The following SPTBN1 variants were observed in gnomAD, a reference collection of about 807,000 sequenced individuals.
SPTBN1 encodes spectrin beta, non-erythrocytic 1, also known as spectrin beta chain, non-erythrocytic 1.
Under a neutral mutation model 266.4 loss-of-function variants are expected in SPTBN1, and 32 were observed. The observed-to-expected ratio is 0.12, with a 90% CI of 0.09 to 0.16. The LOEUF (loss-of-function observed/expected upper bound fraction) is 0.16. Among genes scored for constraint, SPTBN1 ranks in the 10% least tolerant of loss-of-function variants. The probability of loss-of-function intolerance (pLI) is 1.00; values close to 1 mark genes in which losing one functional copy is unlikely to be tolerated. For synonymous variants in SPTBN1, 1,336 were observed against 1,162.2 expected (o/e 1.15, Z -3.04); for missense variants, 2,296 against 3,067.1 (o/e 0.75, Z 5.94).
intron 1 of SPTBN1, among the ~76,000 whole-genome samples, chr2:54,464,160 T>C (rs562101369): frequency 6.6e-6 from 1 of 152,376 alleles, no homozygotes; most frequent in Non-Finnish European, 1.5e-5. Context: ...TAAATGCTTA[T>C]ACCTCTTGAA....
intron 1 of SPTBN1, among the ~76,000 whole-genome samples, chr2:54,522,877 C>T (rs1030107491): frequency 1.3e-5 from 2 of 151,960 alleles, no homozygotes; most frequent in East Asian, 3.9e-4. Flanking sequence ...GGTTTCTTCT[C>T]ATTGGTCAGC....
chr2:54,627,439 A>C (rs1678426036), intron 12 of SPTBN1, among the ~76,000 whole-genome samples: 1 of 152,204 alleles, frequency 6.6e-6, no homozygotes, highest in African/African-American at 2.4e-5. Context: ...AGTGGGTTCA[A>C]ACTTAAACTC....
At chr2:54,470,769 T>C (rs1693878483) in intron 1 of SPTBN1, among the ~76,000 whole-genome samples, 1 of 152,164 alleles carries the variant, frequency 6.6e-6, no homozygotes, top group Non-Finnish European at 1.5e-5. Context: ...AGCCCAGGGC[T>C]TCAAGACTAG....
At chr2:54,589,973 A>G (rs753995283) in intron 2 of SPTBN1, among the ~76,000 whole-genome samples, 2 of 152,242 alleles carry the variant, frequency 1.3e-5, no homozygotes, top group Non-Finnish European at 2.9e-5. Context: ...AGTTGCAACA[A>G]ATTAAGTCTT....
chr2:54,594,851 T>TTTTTTTTTTG lies in SPTBN1; in HGVS notation c.149-4241_149-4240insTTTTTTTTTG, dbSNP rs10673399. Among the ~76,000 whole-genome samples the TTTTTTTTTTG allele has an allele frequency of 7.5e-4, 109 of 144,948 alleles. 2 individuals carry two copies. The highest frequency in any genetic ancestry group is 2.5e-3 in the African/African-American group (89 of 35,916). ...TAAGTTTCTTTTTTTTTTTTTTTTTTGAGACAGAGTTTCGCTCTTGTTGCC... is the reference window on the plus strand; with the variant it reads ...TAAGTTTCTTTTTTTTTTTTTTTTTTTTTTTTTTTGGAGACAGAGTTTCGCTCTTGTTGCC... On this transcript the variant is annotated intron_variant, in intron 2 of 35. Transcript: ENST00000356805.
intron 1 of SPTBN1, among the ~76,000 whole-genome samples, chr2:54,496,307 G>A (rs1239202407): frequency 6.6e-6 from 1 of 151,750 alleles, no homozygotes; most frequent in African/African-American, 2.4e-5. Context: ...GCATGTTGGC[G>A]GGCGCCTGTA....
In SPTBN1 at chr2:54,629,228, C is replaced by A; in HGVS notation, c.2094C>A (p.Ile698=). The change falls in exon 14 of 36, where the codon ATC becomes ATA. Residue 698 remains isoleucine, a synonymous_variant. Coordinates refer to ENST00000356805, the MANE Select transcript of SPTBN1 (RefSeq NM_003128.3). Reference sequence around the variant, plus strand: ...GCAGTGGCCACTTTGAGCAGGCCATCAAGGAAGGCGAAGACATGATCGCGG... The same window carrying A: ...GCAGTGGCCACTTTGAGCAGGCCATAAAGGAAGGCGAAGACATGATCGCGG... ...SGRSGHFEQA[I]KEGEDMIAEE... is the part of the protein sequence containing the mutation. 2 of 1,613,858 alleles carry A rather than the reference C, an allele frequency of 1.2e-6. No individual in the cohort carries two copies. The highest frequency in any genetic ancestry group is 1.7e-6 in the Non-Finnish European group (2 of 1,180,012).
chr2:54,661,581 C>G (rs1681049821), intron 32 of SPTBN1: 1 of 985,796 alleles, frequency 1.0e-6, no homozygotes, highest in East Asian at 1.1e-4. Flanking sequence ...TAGTATGCAT[C>G]ATTATTGGGT....
In SPTBN1 at chr2:54,628,609, G is replaced by C. The variant is rs1451083023; in HGVS notation, c.1799-324G>C. On this transcript the variant is annotated intron_variant, in intron 13 of 35. Transcript: ENST00000356805. This position sits in a 1 kb window ranked among gnomAD's most constrained non-coding sequence, Gnocchi z 4.3. Reference sequence around the variant, plus strand: ...TATACCTCTCTTTGGAGGATGTTTAGAATGATTTGGTTATGCTTCGTGTAT... The same window carrying C: ...TATACCTCTCTTTGGAGGATGTTTACAATGATTTGGTTATGCTTCGTGTAT... Among the ~76,000 whole-genome samples the C allele has an allele frequency of 6.6e-6, 1 of 152,186 alleles. No homozygotes were observed. The highest frequency in any genetic ancestry group is 2.4e-5 in the African/African-American group (1 of 41,452).
chr2:54,525,022 T>C (rs1670715862), intron 1 of SPTBN1, among the ~76,000 whole-genome samples: 1 of 152,194 alleles, frequency 6.6e-6, no homozygotes, highest in African/African-American at 2.4e-5. Flanking sequence ...GGATATAAGC[T>C]TCCCTAGAGC....
At chr2:54,617,534 C>A in intron 5 of SPTBN1, 74 bp from the exon 6 acceptor site, 1 of 1,423,406 alleles carries the variant, frequency 7.0e-7, no homozygotes, top group Non-Finnish European at 9.8e-7. Context: ...TTTTTATTAA[C>A]AAAGCACTTG....
At chr2:54,571,863 G>T (rs1423054306) in intron 2 of SPTBN1, among the ~76,000 whole-genome samples, 1 of 152,174 alleles carries the variant, frequency 6.6e-6, no homozygotes, top group African/African-American at 2.4e-5. Context: ...TGAGAAAAGA[G>T]CCACTTAATA....
rs1437473167 is a variant in SPTBN1, at chr2:54,533,402, C to T, written c.148+6836C>T. ...TGTGTGTGTGTGTGTGTGTCTAAAC[C>T]ATTTGACTTCTAGTGAACGAACAGA... On this transcript the variant is annotated intron_variant, in intron 2 of 35. Coordinates refer to ENST00000356805, the MANE Select transcript of SPTBN1 (RefSeq NM_003128.3). The surrounding 1 kb of genome is among the most constrained non-coding windows in gnomAD (Gnocchi z 4.2). 6.9e-6 allele frequency among the ~76,000 whole-genome samples: 1 copy of T among 144,036 alleles called. No homozygotes were observed. The highest frequency in any genetic ancestry group is 1.5e-5 in the Non-Finnish European group (1 of 66,350). The allele number at this position is 144,036 out of a possible 152,430, so 94.5% of individuals were successfully genotyped here.
intron 1 of SPTBN1, among the ~76,000 whole-genome samples, chr2:54,458,957 A>G (rs528568008): frequency 1.3e-5 from 2 of 152,296 alleles, no homozygotes; most frequent in East Asian, 1.9e-4. Context: ...TATGTGCGTT[A>G]TTTTGAGTTT....
chr2:54,630,733 T>C lies in SPTBN1; in HGVS notation c.2808-122T>C, dbSNP rs920083859. On this transcript the variant is annotated intron_variant, in intron 15 of 35. Coordinates refer to ENST00000356805, the MANE Select transcript of SPTBN1 (RefSeq NM_003128.3). ...AGTGAGATGATTTTCCAAAAAAGCATGTAGTCAAAGCACAGATGGAGAAAA... is the reference window on the plus strand; with the variant it reads ...AGTGAGATGATTTTCCAAAAAAGCACGTAGTCAAAGCACAGATGGAGAAAA... 9 of 1,232,794 alleles carry C rather than the reference T, an allele frequency of 7.3e-6. No individual in the cohort carries two copies. The African/African-American group carries it at 9.1e-5, about 13-fold the overall frequency. The allele number at this position is 1,232,794 out of a possible 1,614,324, so 76.4% of individuals were successfully genotyped here. A position where few individuals can be genotyped will look rare whatever the true frequency, so the allele number is the denominator to read the frequency against.
chr2:54,584,622 C>G (rs1675161159), intron 2 of SPTBN1, among the ~76,000 whole-genome samples: 1 of 152,148 alleles, frequency 6.6e-6, no homozygotes, highest in Admixed American at 6.5e-5. Context: ...ATCTGCCACC[C>G]CAGCAGAACA....
intron 2 of SPTBN1, among the ~76,000 whole-genome samples, chr2:54,563,490 G>A (rs934851891): frequency 6.6e-6 from 1 of 150,832 alleles, no homozygotes; most frequent in Non-Finnish European, 1.5e-5. Context: ...AGTTTATTAC[G>A]TATTGAGAGT....
rs552215639 is a variant in SPTBN1 at position 54,631,434 on chromosome 2, C to A, written c.3387C>A (p.Thr1129=). 1.9e-6 allele frequency: 3 copies of A among 1,614,128 alleles called. No homozygotes were observed. Among genetic ancestry groups the A allele is most frequent in the African/African-American group, 2.7e-5 (2 of 74,950 alleles). ...QKMRDMGEMV[T]QGQTDAQYMF... is the part of the protein sequence containing the mutation. ...TGAGGGACATGGGCGAGATGGTCAC[C>A]CAGGGGCAGACCGATGCCCAGTACA... The change falls in exon 16 of 36, where the codon ACC becomes ACA. Residue 1129 remains threonine (T), a synonymous_variant. Transcript: ENST00000356805.
At chr2:54,552,518 G>A (rs150665300) in intron 2 of SPTBN1, among the ~76,000 whole-genome samples, 1,648 of 150,232 alleles carry the variant, frequency 0.011, 19 homozygotes, top group Middle Eastern at 0.035. Context: ...GTGCAGTGGC[G>A]CGATCTCAGC....
Sources: allele counts gnomAD v4.1 joint callset (sites outside exome capture counted in the v4.1 genomes callset), GRCh38; gene constraint gnomAD v4.1.1; non-coding constraint Gnocchi (gnomAD v3.1); transcripts MANE v1.5; gene names NCBI Gene and HGNC (gene_info 2026-07-23, HGNC 2026-07-21).